SUMO3: variants seen among roughly 807,000 people sequenced by gnomAD.
SUMO3 encodes small ubiquitin-related modifier 3.
Under a neutral mutation model 11.1 loss-of-function variants are expected in SUMO3, and 2 were observed. The observed-to-expected ratio is 0.18, with a 90% CI of 0.07 to 0.57. The LOEUF (loss-of-function observed/expected upper bound fraction) is 0.57. SUMO3 is among the 20% of genes least tolerant of loss of function. The probability of loss-of-function intolerance (pLI) is 0.92; values close to 1 mark genes in which losing one functional copy is unlikely to be tolerated. For synonymous variants in SUMO3, 56 were observed against 53.5 expected (o/e 1.05, Z -0.20); for missense variants, 70 against 132.8 (o/e 0.53, Z 2.32).
chr21:44,813,890 C>G, intron 2 of SUMO3, 86 bp downstream of exon 2: 2 of 1,596,252 alleles, frequency 1.3e-6, no homozygotes, highest in Non-Finnish European at 1.7e-6. Flanking sequence ...GGTCCAGCCC[C>G]GAGACGCTCG....
intron 1 of SUMO3, among the ~76,000 whole-genome samples, chr21:44,817,021 G>A (rs1272620706): frequency 7.2e-6 from 1 of 138,592 alleles, no homozygotes; most frequent in South Asian, 2.4e-4. Flanking sequence ...GGGACGCGAC[G>A]GGGAGGGGTG....
At chr21:44,809,543 T>C (rs2083198122) in intron 2 of SUMO3, among the ~76,000 whole-genome samples, 1 of 152,214 alleles carries the variant, frequency 6.6e-6, no homozygotes, top group Admixed American at 6.5e-5. Flanking sequence ...GAAAGCCGAC[T>C]TACATTCAAA....
Position 44,818,052 on chromosome 21 carries a change from G to T in SUMO3, c.-84C>A. On this transcript the variant is annotated 5_prime_UTR_variant, in exon 1 of 4. Coordinates refer to ENST00000332859, the MANE Select transcript of SUMO3 (RefSeq NM_006936.3). Reference sequence around the variant, plus strand: ...ACGCTCTCGGCCCCGCCGCTCTCCCGCCGCAACTGTGCGCGGGGCCGCGCT... The same window carrying T: ...ACGCTCTCGGCCCCGCCGCTCTCCCTCCGCAACTGTGCGCGGGGCCGCGCT... 1 of 1,077,324 alleles carries T rather than the reference G, an allele frequency of 9.3e-7. No individual in the cohort carries two copies. Among genetic ancestry groups the T allele is most frequent in the Non-Finnish European group, 1.2e-6 (1 of 865,032 alleles). 66.7% of individuals were successfully genotyped at this position (1,077,324 alleles called of 1,614,324 possible). A position where few individuals can be genotyped will look rare whatever the true frequency, so the allele number is the denominator to read the frequency against.
intron 3 of SUMO3, 111 bp downstream of exon 3, chr21:44,808,936 G>T: frequency 1.2e-6 from 1 of 836,322 alleles, no homozygotes; most frequent in Non-Finnish European, 2.0e-6. Context: ...ATATCATTAA[G>T]GCATTCTGTA....
At chr21:44,808,856 T>A (rs1601211590) in intron 3 of SUMO3, 191 bp downstream of exon 3, 1 of 681,446 alleles carries the variant, frequency 1.5e-6, no homozygotes, top group East Asian at 2.8e-5. Flanking sequence ...GCAAGAATGA[T>A]GTCTGCAAAG....
rs1056760126 is a variant in SUMO3 at position 44,810,734 on chromosome 21, C to T, written c.151-1616G>A. On this transcript the variant is annotated intron_variant, in intron 2 of 3. Coordinates refer to ENST00000332859, the MANE Select transcript of SUMO3 (RefSeq NM_006936.3). This position sits in a 1 kb window ranked among gnomAD's most constrained non-coding sequence, Gnocchi z 4.1. ...TGGATGCACAGCCCTGGCAGCACAG[C>T]CATCCATGTACACAGCTTTTCAGCA... Among the ~76,000 whole-genome samples the T allele has an allele frequency of 5.3e-5, 8 of 152,124 alleles. No individual in the cohort carries two copies. The highest frequency in any genetic ancestry group is 1.9e-4 in the African/African-American group (8 of 41,412).
Position 44,806,913 on chromosome 21 carries a change from AATGCGAGGATG to A in SUMO3, c.*27_*37del. 1 of 1,613,388 alleles carries A rather than the reference AATGCGAGGATG, an allele frequency of 6.2e-7. No individual in the cohort carries two copies. On this transcript the variant is annotated 3_prime_UTR_variant, in exon 4 of 4. Coordinates refer to ENST00000332859, the MANE Select transcript of SUMO3 (RefSeq NM_006936.3). ...GGTCACGTGCTCACCATTCAACAGC[AATGCGAGGATG>A]GACGGCCCGGGCTGGGGACGGGCCC...
In SUMO3 at chr21:44,811,018, GCACACACGCACACACCCACATA is replaced by G. The variant is rs970785413; in HGVS notation, c.151-1922_151-1901del. ...CCCACACATGCACACACCCACATAT[GCACACACGCACACACCCACATA>G]CACACACGCACACACCCACACATAC... On this transcript the variant is annotated intron_variant, in intron 2 of 3. Coordinates refer to ENST00000332859, the MANE Select transcript of SUMO3 (RefSeq NM_006936.3). The surrounding 1 kb of genome is among the most constrained non-coding windows in gnomAD (Gnocchi z 5.0). Among the ~76,000 whole-genome samples, 35 of 64,898 alleles carry G rather than the reference GCACACACGCACACACCCACATA, an allele frequency of 5.4e-4. No individual in the cohort carries two copies. The highest frequency in any genetic ancestry group is 3.9e-3 in the East Asian group (13 of 3,332). The allele number at this position is 64,898 out of a possible 152,430, so 42.6% of individuals were successfully genotyped here.
chr21:44,813,946 G>A, intron 2 of SUMO3, 30 bp downstream of exon 2: 2 of 1,606,080 alleles, frequency 1.2e-6, no homozygotes, highest in South Asian at 2.2e-5. Context: ...CGCACACGGG[G>A]AGGCTCTGCG....
intron 2 of SUMO3, among the ~76,000 whole-genome samples, chr21:44,812,416 G>A (rs2083217643): frequency 6.6e-6 from 1 of 151,952 alleles, no homozygotes; most frequent in South Asian, 2.1e-4. Flanking sequence ...TATTCTCATG[G>A]CTGACCTCTG....
intron 3 of SUMO3, 22 bp downstream of exon 3, chr21:44,809,025 C>T: frequency 1.2e-6 from 2 of 1,612,354 alleles, no homozygotes; most frequent in South Asian, 1.1e-5. Context: ...CGCCCTGGAA[C>T]CACGCGAAGC....
intron 1 of SUMO3, among the ~76,000 whole-genome samples, chr21:44,817,719 G>A (rs977950714): frequency 2.0e-5 from 3 of 150,952 alleles, no homozygotes; most frequent in African/African-American, 7.3e-5. Context: ...GGCGTGGAGC[G>A]GAGGCGTGGC....
At chr21:44,813,699 G>A in intron 2 of SUMO3, 2 of 937,548 alleles carry the variant, frequency 2.1e-6, no homozygotes, top group South Asian at 1.7e-5. Context: ...GTACCCCATG[G>A]AGAACACAGC....
At chr21:44,808,520 A>G in intron 3 of SUMO3, 8 of 1,431,520 alleles carry the variant, frequency 5.6e-6, no homozygotes, top group Non-Finnish European at 7.3e-6. Context: ...GTCTCAAAAA[A>G]AAAAGTCTGT....
chr21:44,813,808 C>A, intron 2 of SUMO3, 168 bp downstream of exon 2: 1 of 1,516,546 alleles, frequency 6.6e-7, no homozygotes, highest in East Asian at 2.5e-5. Context: ...ACAAGCCCAG[C>A]CTGGACTAAT....
chr21:44,811,408 CACA>C lies in SUMO3; in HGVS notation c.151-2293_151-2291del, dbSNP rs2083211881. Among the ~76,000 whole-genome samples, 1 of 151,904 alleles carries C rather than the reference CACA, an allele frequency of 6.6e-6. No homozygotes were observed. Among genetic ancestry groups the C allele is most frequent in the African/African-American group, 2.4e-5 (1 of 41,330 alleles). On this transcript the variant is annotated intron_variant, in intron 2 of 3. Coordinates refer to ENST00000332859, the MANE Select transcript of SUMO3 (RefSeq NM_006936.3). The surrounding 1 kb of genome is among the most constrained non-coding windows in gnomAD (Gnocchi z 5.0). ...GGACCACATAAGGAGACCCCATCTC[CACA>C]AAATAAAAAAATGAGCCAGGCGTGG...
At chr21:44,808,089 G>C (rs1402610550) in intron 3 of SUMO3, among the ~76,000 whole-genome samples, 1 of 152,118 alleles carries the variant, frequency 6.6e-6, no homozygotes, top group Admixed American at 6.5e-5. Context: ...CATTGAAAGG[G>C]AGAAAAAGCA....
chr21:44,810,022 G>A lies in SUMO3; in HGVS notation c.151-904C>T, dbSNP rs548416183. ...AGATAAGAAGGCTGCATGAGGCCGGGGAGCAGTTACCACCATGACTTTGGC... is the reference window on the plus strand; with the variant it reads ...AGATAAGAAGGCTGCATGAGGCCGGAGAGCAGTTACCACCATGACTTTGGC... On this transcript the variant is annotated intron_variant, in intron 2 of 3. Coordinates refer to ENST00000332859, the MANE Select transcript of SUMO3 (RefSeq NM_006936.3). The surrounding 1 kb of genome is among the most constrained non-coding windows in gnomAD (Gnocchi z 4.1). 3.3e-5 allele frequency among the ~76,000 whole-genome samples: 5 copies of A among 152,324 alleles called. No homozygotes were observed. The highest frequency in any genetic ancestry group is 4.1e-4 in the South Asian group (2 of 4,822).
In SUMO3 at chr21:44,810,167, A is replaced by G. The variant is rs1018608807; in HGVS notation, c.151-1049T>C. Among the ~76,000 whole-genome samples the G allele has an allele frequency of 1.3e-5, 2 of 152,242 alleles. No homozygotes were observed. Among genetic ancestry groups the G allele is most frequent in the African/African-American group, 4.8e-5 (2 of 41,460 alleles). ...GCAGTTTTGATTTAACTGAAACAGG[A>G]CAGACGGGGTTAAAACGTGCATCTC... On this transcript the variant is annotated intron_variant, in intron 2 of 3. Coordinates refer to ENST00000332859, the MANE Select transcript of SUMO3 (RefSeq NM_006936.3). This position sits in a 1 kb window ranked among gnomAD's most constrained non-coding sequence, Gnocchi z 4.1.
Sources: gnomAD v4.1 joint callset for allele counts (sites outside exome capture counted in the v4.1 genomes callset) on GRCh38, gnomAD v4.1.1 for gene constraint, Gnocchi (gnomAD v3.1) non-coding constraint, MANE v1.5 for transcripts, NCBI Gene and HGNC (gene_info 2026-07-23, HGNC 2026-07-21) for gene names.